Variants in FGF12 observed in about 807,000 individuals in gnomAD.
The protein encoded by FGF12 is fibroblast growth factor 12B.
FGF12 carries 14 observed loss-of-function variants against 23.6 expected under a neutral mutation model. That is an observed-to-expected ratio of 0.59 (90% CI 0.39 to 0.93). The LOEUF is 0.93. Ranked by LOEUF, FGF12 falls within the 40% of genes least tolerant of loss-of-function variation. The pLI is 0.00. For missense variants in FGF12, 175 were observed against 217.8 expected (o/e 0.80, Z 1.24); for synonymous variants, 62 against 77.3 (o/e 0.80, Z 1.04).
At chr3:192,456,464 T>A (rs1289643087) in intron 2 of FGF12, among the ~76,000 whole-genome samples, 1 of 152,228 alleles carries the variant, frequency 6.6e-6, no homozygotes, top group African/African-American at 2.4e-5. Context: ...TTAATCTTTT[T>A]TATTATAAAT....
Position 192,437,042 on chromosome 3 carries a change from GA to G in FGF12, c.14-76505del, listed in dbSNP as rs1269414616. 5.9e-5 allele frequency among the ~76,000 whole-genome samples: 9 copies of G among 152,294 alleles called. No individual in the cohort carries two copies. In the East Asian group the frequency reaches 1.7e-3, roughly 29 times the overall value. On this transcript the variant is annotated intron_variant, in intron 2 of 5. Transcript: ENST00000445105. ...TTTAAGGACGAGAGTGATATAGTCT[GA>G]ATTGCATCTTATGAATGAATAGTGT...
intron 4 of FGF12, among the ~76,000 whole-genome samples, chr3:192,266,233 C>G (rs1364088705): frequency 6.6e-6 from 1 of 152,114 alleles, no homozygotes; most frequent in Non-Finnish European, 1.5e-5. Flanking sequence ...CTCAATCTAC[C>G]TTGTACTTTG....
intron 2 of FGF12, among the ~76,000 whole-genome samples, chr3:192,647,740 T>G (rs1472161284): frequency 1.4e-5 from 2 of 147,186 alleles, no homozygotes; most frequent in African/African-American, 2.6e-5. Context: ...TATACATACA[T>G]GTATATATAC....
At chr3:192,221,121 GC>G (rs1282186993) in intron 4 of FGF12, among the ~76,000 whole-genome samples, 1 of 152,168 alleles carries the variant, frequency 6.6e-6, no homozygotes, top group East Asian at 1.9e-4. Flanking sequence ...CTTTGGTGCT[GC>G]TTGGATTTTA....
chr3:192,410,400 CTCCGTCCGG>C (rs1721160779), intron 2 of FGF12, among the ~76,000 whole-genome samples: 2 of 152,130 alleles, frequency 1.3e-5, no homozygotes, highest in South Asian at 4.2e-4. Flanking sequence ...CTTGGGTCTG[CTCCGTCCGG>C]TCCCTCCCAC....
At chr3:192,182,553 T>C (rs1716238085) in intron 4 of FGF12, among the ~76,000 whole-genome samples, 1 of 152,116 alleles carries the variant, frequency 6.6e-6, no homozygotes, top group African/African-American at 2.4e-5. Flanking sequence ...ATAGGCAATC[T>C]CTAAATGGAC....
At chr3:192,413,498 A>C (rs777863274) in intron 2 of FGF12, among the ~76,000 whole-genome samples, 31 of 152,372 alleles carry the variant, frequency 2.0e-4, no homozygotes, top group Non-Finnish European at 4.4e-4. Context: ...AATAACGTAA[A>C]GTATGAGAAT....
At chr3:192,597,432 G>A (rs1404805991) in intron 2 of FGF12, among the ~76,000 whole-genome samples, 1 of 152,154 alleles carries the variant, frequency 6.6e-6, no homozygotes, top group East Asian at 1.9e-4. Flanking sequence ...ATGAATGTCA[G>A]GTGCAACATA....
At chr3:192,430,527 A>G (rs922390659) in intron 2 of FGF12, among the ~76,000 whole-genome samples, 6 of 152,228 alleles carry the variant, frequency 3.9e-5, no homozygotes, top group African/African-American at 1.2e-4. Flanking sequence ...TGAAAAATAA[A>G]GAACTGGATC....
rs778759412 is a variant in FGF12 at position 192,352,393 on chromosome 3, A to G, written c.124+8035T>C. 2.6e-5 allele frequency among the ~76,000 whole-genome samples: 4 copies of G among 152,242 alleles called. No individual in the cohort carries two copies. In the South Asian group the frequency reaches 8.3e-4, roughly 32 times the overall value. On this transcript the variant is annotated intron_variant, in intron 3 of 5. Coordinates refer to ENST00000445105, the MANE Select transcript of FGF12 (RefSeq NM_004113.6). ...ACAGATTGCTGGGCCCCAGCCTCAC[A>G]GTCTCTGATTCAGCATGTCTGAAGT...
At position 192,543,688 on chromosome 3, in the gene FGF12, C is replaced by G. The variant is rs75184885; in HGVS notation, c.14-183150G>C. Among the ~76,000 whole-genome samples the G allele has an allele frequency of 1.0e-2, 1,519 of 152,172 alleles. 19 individuals are homozygous for G. Among genetic ancestry groups the G allele is most frequent in the African/African-American group, 0.034 (1,403 of 41,522 alleles). Reference sequence around the variant, plus strand: ...AGCGAGTACTGCCCAGCTACCACTGCTGAAAGTTCAAGGCCCAAGGGCTCT... The same window carrying G: ...AGCGAGTACTGCCCAGCTACCACTGGTGAAAGTTCAAGGCCCAAGGGCTCT... On this transcript the variant is annotated intron_variant, in intron 2 of 5. Transcript: ENST00000445105.
chr3:192,374,625 C>T (rs781113399), intron 2 of FGF12, among the ~76,000 whole-genome samples: 3 of 152,176 alleles, frequency 2.0e-5, no homozygotes, highest in Non-Finnish European at 4.4e-5. Context: ...GCCAGGGACT[C>T]AAATGATTTC....
chr3:192,506,544 G>A (rs1355036695), intron 2 of FGF12, among the ~76,000 whole-genome samples: 2 of 151,940 alleles, frequency 1.3e-5, no homozygotes, highest in Non-Finnish European at 2.9e-5. Context: ...CTAATTTTTT[G>A]TATTTTTAGT....
At chr3:192,652,146 A>T (rs770553658) in intron 2 of FGF12, among the ~76,000 whole-genome samples, 1 of 152,222 alleles carries the variant, frequency 6.6e-6, no homozygotes, top group Non-Finnish European at 1.5e-5. Context: ...TAAAGTGGAT[A>T]AAACGAATTG....
At chr3:192,581,486 G>GTGTATA (rs1270642127) in intron 2 of FGF12, among the ~76,000 whole-genome samples, 24 of 144,614 alleles carry the variant, frequency 1.7e-4, no homozygotes, top group African/African-American at 5.1e-4. Context: ...GTGTGTGTGT[G>GTGTATA]TATATATATA....
Position 192,151,142 on chromosome 3 carries a change from C to T in FGF12, c.428-7015G>A, listed in dbSNP as rs997961758. Among the ~76,000 whole-genome samples the T allele has an allele frequency of 1.3e-4, 17 of 130,844 alleles. 1 individual carries two copies. 85.8% of individuals were successfully genotyped at this position (130,844 alleles called of 152,430 possible). ...TGTCTGTTGTTGGTGTATAAGAATG[C>T]TTGTGATTTTTGTACATTGATTTTG... On this transcript the variant is annotated intron_variant, in intron 5 of 5. Transcript: ENST00000445105.
chr3:192,178,918 T>G (rs1283131225), intron 4 of FGF12, among the ~76,000 whole-genome samples: 1 of 152,212 alleles, frequency 6.6e-6, no homozygotes, highest in Non-Finnish European at 1.5e-5. Context: ...ACAATTTATA[T>G]CCAACAACTC....
At chr3:192,218,536 G>A (rs1718314751) in intron 4 of FGF12, among the ~76,000 whole-genome samples, 1 of 152,094 alleles carries the variant, frequency 6.6e-6, no homozygotes, top group African/African-American at 2.4e-5. Context: ...TCTTCCTCCT[G>A]CTCTGGCTAT....
At chr3:192,721,670 G>A (rs1243511742) in intron 2 of FGF12, among the ~76,000 whole-genome samples, 1 of 152,136 alleles carries the variant, frequency 6.6e-6, no homozygotes, top group African/African-American at 2.4e-5. Flanking sequence ...TGGCAAGTAG[G>A]TTGGCCTCCC....
Sources: gnomAD v4.1 joint callset for allele counts (sites outside exome capture counted in the v4.1 genomes callset) on GRCh38, gnomAD v4.1.1 for gene constraint, MANE v1.5 for transcripts, NCBI Gene and HGNC (gene_info 2026-07-23, HGNC 2026-07-21) for gene names.